Variants in IBTK observed in about 807,000 individuals in gnomAD.
IBTK encodes the protein BTK-binding protein.
A neutral mutation model predicts 154.9 loss-of-function variants in IBTK; 83 were observed. The ratio of observed to expected loss-of-function variants is 0.54; its 90% confidence interval spans 0.45 to 0.64. The LOEUF (loss-of-function observed/expected upper bound fraction) is 0.64. Ranked by LOEUF, IBTK falls within the 30% of genes least tolerant of loss-of-function variation. The pLI is 0.00. For synonymous variants in IBTK, 515 were observed against 536.1 expected (o/e 0.96, Z 0.54); for missense variants, 1,332 against 1,584.6 (o/e 0.84, Z 2.71).
chr6:82,233,081 C>T (rs1405167653), intron 3 of IBTK, among the ~76,000 whole-genome samples: 3 of 149,644 alleles, frequency 2.0e-5, no homozygotes, highest in Admixed American at 1.3e-4. Flanking sequence ...AGCTTGAACC[C>T]GGGAGGCGGA....
chr6:82,237,694 A>AGTAGTG (rs1355526614), intron 2 of IBTK, among the ~76,000 whole-genome samples: 1 of 146,280 alleles, frequency 6.8e-6, no homozygotes, highest in African/African-American at 2.6e-5. Flanking sequence ...TAGTAGTAGT[A>AGTAGTG]GCAGTAATAG....
rs1770902863 is a variant in IBTK at position 82,240,566 on chromosome 6, T to C, written c.-80A>G. The C allele has an allele frequency of 1.7e-6, 2 of 1,172,374 alleles. No homozygotes were observed. Among genetic ancestry groups the C allele is most frequent in the Admixed American group, 2.1e-5 (1 of 46,686 alleles). The allele number at this position is 1,172,374 out of a possible 1,614,324, so 72.6% of individuals were successfully genotyped here. ...TGAAAAAGCCAGGACACAAAGGTGC[T>C]ATTGAGGAAGTTACAGAGAATAAAT... On this transcript the variant is annotated 5_prime_UTR_variant, in exon 2 of 29. In the 5' UTR this introduces an upstream ATG that the reference lacks. Coordinates refer to ENST00000306270, the MANE Select transcript of IBTK (RefSeq NM_015525.4).
intron 4 of IBTK, among the ~76,000 whole-genome samples, chr6:82,229,241 C>T (rs1475936425): frequency 6.6e-6 from 1 of 152,118 alleles, no homozygotes; most frequent in Non-Finnish European, 1.5e-5. Flanking sequence ...TCACAAAACA[C>T]GCCCACTGCC....
intron 27 of IBTK, 119 bp downstream of exon 27, chr6:82,173,248 C>G (rs961702121): frequency 4.8e-6 from 3 of 628,464 alleles, no homozygotes; most frequent in Non-Finnish European, 8.2e-6. Context: ...ATGATCCACC[C>G]GCCTCAGTCT....
intron 4 of IBTK, among the ~76,000 whole-genome samples, chr6:82,229,423 C>T (rs566711619): frequency 1.3e-5 from 2 of 152,192 alleles, no homozygotes; most frequent in South Asian, 2.1e-4. Context: ...CTTTAAAATC[C>T]CTGCTCCGTA....
chr6:82,226,808 G>T (rs932504555), intron 5 of IBTK, among the ~76,000 whole-genome samples: 1 of 152,062 alleles, frequency 6.6e-6, no homozygotes, highest in Non-Finnish European at 1.5e-5. Flanking sequence ...GTTTCTCCAT[G>T]TTGGCCAGGC....
rs540269432 is a variant in IBTK, at chr6:82,171,010, C to T, written c.*415G>A. 30 of 153,824 alleles carry T rather than the reference C, an allele frequency of 2.0e-4. No homozygotes were observed. Among genetic ancestry groups the T allele is most frequent in the Non-Finnish European group, 3.8e-4 (26 of 69,134 alleles). The allele number at this position is 153,824 out of a possible 1,614,324, so 9.5% of individuals were successfully genotyped here. A position where few individuals can be genotyped will look rare whatever the true frequency, so the allele number is the denominator to read the frequency against. ...TCAGAAGTAATAACTGATGCTCCTA[C>T]TTTAAATTCATCAATGCCATATTTA... On this transcript the variant is annotated 3_prime_UTR_variant, in exon 29 of 29. Coordinates refer to ENST00000306270, the MANE Select transcript of IBTK (RefSeq NM_015525.4).
At position 82,200,564 on chromosome 6, in the gene IBTK, A is replaced by G. The variant is rs543113526; in HGVS notation, c.2912+23T>C. The G allele has an allele frequency of 1.4e-5, 21 of 1,498,714 alleles. No individual in the cohort carries two copies. In the Middle Eastern group the frequency reaches 6.6e-4, roughly 47 times the overall value. 92.8% of individuals were successfully genotyped at this position (1,498,714 alleles called of 1,614,324 possible). A position where few individuals can be genotyped will look rare whatever the true frequency, so the allele number is the denominator to read the frequency against. On this transcript the variant is annotated intron_variant, in intron 20 of 28. Transcript: ENST00000306270. ...AGAAGGAAGAAAAGGAGGAAAAGAAAAAAAAAAAAGAAAACAGCTTACGAA... is the reference window on the plus strand; with the variant it reads ...AGAAGGAAGAAAAGGAGGAAAAGAAGAAAAAAAAAGAAAACAGCTTACGAA...
At position 82,214,244 on chromosome 6, in the gene IBTK, G is replaced by A; in HGVS notation, c.2187C>T (p.Phe729=). 6.2e-7 allele frequency: 1 copy of A among 1,610,906 alleles called. No homozygotes were observed. Residue 729 remains phenylalanine, a synonymous_variant, in exon 12 of 29, where the codon TTC becomes TTT. Coordinates refer to ENST00000306270, the MANE Select transcript of IBTK (RefSeq NM_015525.4). ...MLQTVAKKFD[F]SNLSSRLDGV... is the part of the protein sequence containing the mutation. Reference sequence around the variant, plus strand: ...AATCATACCTACTACTCAAATTACTGAAGTCGAATTTCTTTGCAACAGTTT... The same window carrying A: ...AATCATACCTACTACTCAAATTACTAAAGTCGAATTTCTTTGCAACAGTTT...
At chr6:82,176,412 T>C (rs1336908449) in intron 26 of IBTK, among the ~76,000 whole-genome samples, 1 of 149,390 alleles carries the variant, frequency 6.7e-6, no homozygotes, top group Admixed American at 6.8e-5. Flanking sequence ...TCCCAGCTAC[T>C]GGGGAGGCTG....
chr6:82,176,487 C>T (rs1287099968), intron 26 of IBTK, among the ~76,000 whole-genome samples: 1 of 145,800 alleles, frequency 6.9e-6, no homozygotes, highest in Non-Finnish European at 1.5e-5. Flanking sequence ...CGCCATTGCA[C>T]TCCATCCTGG....
intron 1 of IBTK, among the ~76,000 whole-genome samples, chr6:82,243,021 C>T (rs1369392417): frequency 2.6e-5 from 4 of 152,066 alleles, no homozygotes; most frequent in Admixed American, 1.3e-4. Context: ...GCAGGCGAAT[C>T]ACGAGGTCAG....
intron 22 of IBTK, 81 bp from the exon 23 acceptor site, chr6:82,194,723 A>AC: frequency 2.3e-6 from 2 of 874,282 alleles, no homozygotes; most frequent in Non-Finnish European, 3.2e-6. Context: ...AATAAATATT[A>AC]GTTACATTAT....
intron 26 of IBTK, among the ~76,000 whole-genome samples, chr6:82,176,429 G>A (rs1026236600): frequency 4.0e-5 from 6 of 149,912 alleles, no homozygotes; most frequent in African/African-American, 1.5e-4. Flanking sequence ...GCTGAGGCTA[G>A]AGAATCACTT....
intron 21 of IBTK, among the ~76,000 whole-genome samples, chr6:82,198,583 C>A (rs1390851760): frequency 6.6e-6 from 1 of 151,968 alleles, no homozygotes; most frequent in African/African-American, 2.4e-5. Flanking sequence ...TTCTTCTTTG[C>A]CCTGCCTAAC....
At chr6:82,242,721 C>T (rs796093379) in intron 1 of IBTK, among the ~76,000 whole-genome samples, 18 of 151,818 alleles carry the variant, frequency 1.2e-4, no homozygotes, top group African/African-American at 3.9e-4. Context: ...CCGGGGTGGG[C>T]GGACCATGAG....
At chr6:82,174,833 G>C (rs1768052760) in intron 26 of IBTK, 1 of 380,832 alleles carries the variant, frequency 2.6e-6, no homozygotes, top group African/African-American at 2.1e-5. Flanking sequence ...AAGTAGCAGA[G>C]AGATAACAAA....
Position 82,240,190 on chromosome 6 carries a change from A to C in IBTK, c.297T>G (p.Ile99Met). 2 of 1,613,880 alleles carry C rather than the reference A, an allele frequency of 1.2e-6. No homozygotes were observed. The highest frequency in any genetic ancestry group is 1.7e-6 in the Non-Finnish European group (2 of 1,179,786). The change falls in exon 2 of 29, where the codon ATT becomes ATG. Residue 99 changes from isoleucine to methionine, a missense_variant. Physicochemically the swap from Ile to Met is conservative, Grantham distance 10. This residue lies in a region of IBTK where 114 missense variants were observed against 213.7 expected (regional missense o/e 0.53). Coordinates refer to ENST00000306270, the MANE Select transcript of IBTK (RefSeq NM_015525.4). ...CCTTCAATAGAGACCAAACACAATC[A>C]ATATGTCCATAAAAAATGCTTCTGT... ...ALHRSIFYGH[I>M]DCVWSLLKHG...
Position 82,197,555 on chromosome 6 carries a change from T to A in IBTK, c.3026-1109A>T, listed in dbSNP as rs187290972. Among the ~76,000 whole-genome samples, 35 of 152,194 alleles carry A rather than the reference T, an allele frequency of 2.3e-4. No individual in the cohort carries two copies. In the East Asian group the frequency reaches 6.0e-3, roughly 26 times the overall value. ...CGGCTAATTTTTTTTGTATTTTTAC[T>A]AGAGACAGCGTTTCACCATATTGGC... On this transcript the variant is annotated intron_variant, in intron 21 of 28. Coordinates refer to ENST00000306270, the MANE Select transcript of IBTK (RefSeq NM_015525.4).
Sources: gnomAD v4.1 joint callset for allele counts (sites outside exome capture counted in the v4.1 genomes callset) on GRCh38, gnomAD v4.1.1 for gene constraint, gnomAD v4.1.1 regional missense constraint, MANE v1.5 for transcripts, NCBI Gene and HGNC (gene_info 2026-07-23, HGNC 2026-07-21) for gene names.